The following TSNAX variants were observed in gnomAD, a reference collection of about 807,000 sequenced individuals.
TSNAX encodes the protein translin-associated protein X.
A neutral mutation model predicts 33.0 loss-of-function variants in TSNAX; 12 were observed. The ratio of observed to expected loss-of-function variants is 0.36; its 90% CI spans 0.23 to 0.59. The LOEUF (loss-of-function observed/expected upper bound fraction) is 0.59. TSNAX is among the 20% of genes least tolerant of loss of function. The pLI, the probability that TSNAX is intolerant of heterozygous loss-of-function variation, is 0.74. For synonymous variants in TSNAX, 110 were observed against 117.2 expected (o/e 0.94, Z 0.40); for missense variants, 267 against 341.3 (o/e 0.78, Z 1.72).
rs200480757 is a variant in TSNAX, at chr1:231,561,117, C to T, written c.368-11C>T. The stretch of plus-strand genomic sequence containing the variant: ...GCTTATTCTTAGTAATTTTCTTTGT[C>T]ACGCTTTCAGGACTACAGGAATATG... On this transcript the variant is annotated splice_polypyrimidine_tract_variant and intron_variant, in intron 4 of 5. Transcript: ENST00000366639. 2 of 1,601,582 alleles carry T rather than the reference C, an allele frequency of 1.2e-6. No individual in the cohort carries two copies. Among genetic ancestry groups the T allele is most frequent in the Non-Finnish European group, 1.7e-6 (2 of 1,176,822 alleles).
chr1:231,534,616 G>A (rs1659036806), intron 2 of TSNAX: 1 of 152,090 alleles, frequency 6.6e-6, no homozygotes, highest in African/African-American at 2.4e-5. Context: ...AAAATAATAA[G>A]ACATTATTCC....
At position 231,529,376 on chromosome 1, in the gene TSNAX, G is replaced by C; in HGVS notation, c.121+17G>C. 1 of 1,611,016 alleles carries C rather than the reference G, an allele frequency of 6.2e-7. No individual in the cohort carries two copies. Among genetic ancestry groups the C allele is most frequent in the Non-Finnish European group, 8.5e-7 (1 of 1,177,402 alleles). On this transcript the variant is annotated intron_variant, in intron 2 of 5. Transcript: ENST00000366639. The stretch of plus-strand genomic sequence containing the variant: ...CCTTTAAATGTAAGTTCTCTGCAAT[G>C]TAAGTTGAAGAAGGGGAGAGAACAA...
At chr1:231,534,229 T>C (rs1372357992) in intron 2 of TSNAX, 1 of 152,194 alleles carries the variant, frequency 6.6e-6, no homozygotes, top group Non-Finnish European at 1.5e-5. Context: ...TGATTTGTTC[T>C]TTTTGGGGGT....
chr1:231,547,997 C>T (rs538510821), intron 4 of TSNAX, among the ~76,000 whole-genome samples: 5 of 151,876 alleles, frequency 3.3e-5, no homozygotes, highest in Admixed American at 2.0e-4. Context: ...TCCGCTACCA[C>T]GCCCGGCTAA....
intron 2 of TSNAX, among the ~76,000 whole-genome samples, chr1:231,533,533 A>G (rs965535273): frequency 6.6e-6 from 1 of 152,228 alleles, no homozygotes; most frequent in Non-Finnish European, 1.5e-5. Flanking sequence ...TAATTGCATT[A>G]AAAGGAGTTA....
chr1:231,558,368 T>G (rs1274084915), intron 4 of TSNAX, among the ~76,000 whole-genome samples: 2 of 152,128 alleles, frequency 1.3e-5, no homozygotes, highest in African/African-American at 4.8e-5. Context: ...TACAGTTCTT[T>G]AAGCACCTAG....
chr1:231,554,041 T>G (rs1370785875), intron 4 of TSNAX, among the ~76,000 whole-genome samples: 1 of 152,224 alleles, frequency 6.6e-6, no homozygotes, highest in Non-Finnish European at 1.5e-5. Flanking sequence ...GAAGTAACTT[T>G]TGTTAACACA....
At chr1:231,537,793 A>G (rs1025784223) in intron 3 of TSNAX, among the ~76,000 whole-genome samples, 2 of 152,034 alleles carry the variant, frequency 1.3e-5, no homozygotes, top group African/African-American at 4.8e-5. Context: ...GACTTAAGAA[A>G]GAAAAATTCA....
intron 3 of TSNAX, among the ~76,000 whole-genome samples, chr1:231,539,920 C>G (rs757011519): frequency 4.6e-5 from 7 of 152,172 alleles, no homozygotes; most frequent in Non-Finnish European, 8.8e-5. Context: ...TGTGGAGGCT[C>G]ATGCCTGTAA....
chr1:231,558,153 G>A (rs951330723), intron 4 of TSNAX, among the ~76,000 whole-genome samples: 1 of 152,122 alleles, frequency 6.6e-6, no homozygotes, highest in African/African-American at 2.4e-5. Flanking sequence ...TGTGCTGATG[G>A]ACTCTCTGGG....
chr1:231,550,230 A>G (rs1660210667), intron 4 of TSNAX, among the ~76,000 whole-genome samples: 1 of 152,240 alleles, frequency 6.6e-6, no homozygotes, highest in African/African-American at 2.4e-5. Flanking sequence ...AGTTCAGTCC[A>G]TAACAGATAC....
At position 231,556,942 on chromosome 1, in the gene TSNAX, A is replaced by G. The variant is rs543665539; in HGVS notation, c.368-4186A>G. Among the ~76,000 whole-genome samples the G allele has an allele frequency of 5.3e-5, 8 of 150,722 alleles. No homozygotes were observed. In the South Asian group the frequency reaches 1.7e-3, roughly 31 times the overall value. ...GGTTTTGCCCTGTATTCTGAGCGCCATGGGAAGCTATTTGGGCTTTAAACT... is the reference window on the plus strand; with the variant it reads ...GGTTTTGCCCTGTATTCTGAGCGCCGTGGGAAGCTATTTGGGCTTTAAACT... On this transcript the variant is annotated intron_variant, in intron 4 of 5. Coordinates refer to ENST00000366639, the MANE Select transcript of TSNAX (RefSeq NM_005999.3).
In TSNAX at chr1:231,528,721, T is replaced by A. The variant is rs1309814471; in HGVS notation, c.-90T>A. 1.3e-6 allele frequency: 2 copies of A among 1,531,328 alleles called. No individual in the cohort carries two copies. The highest frequency in any genetic ancestry group is 2.7e-5 in the African/African-American group (2 of 73,006). The allele number at this position is 1,531,328 out of a possible 1,614,324, so 94.9% of individuals were successfully genotyped here. On this transcript the variant is annotated 5_prime_UTR_variant, in exon 1 of 6. Transcript: ENST00000366639. ...CTGCAAAGCGTTTTTCTGCAGGCTGTTTTCCCAGGTTCCCTCGGCCTGTAC... is the reference window on the plus strand; with the variant it reads ...CTGCAAAGCGTTTTTCTGCAGGCTGATTTCCCAGGTTCCCTCGGCCTGTAC...
rs1159019773 is a variant in TSNAX, at chr1:231,537,226, A to G, written c.135A>G (p.Glu45=). The G allele has an allele frequency of 4.3e-6, 7 of 1,611,886 alleles. No individual in the cohort carries two copies. In the South Asian group the frequency reaches 5.5e-5, roughly 13 times the overall value. The change falls in exon 3 of 6, where the codon GAA becomes GAG. Residue 45 remains glutamate, a synonymous_variant. Coordinates refer to ENST00000366639, the MANE Select transcript of TSNAX (RefSeq NM_005999.3). ...VMLAFKSFQQ[E]LDARHDKYER... The stretch of plus-strand genomic sequence containing the variant: ...ATGTGTTTTTAGCATTTCAGCAGGA[A>G]CTTGATGCAAGGCATGACAAATATG...
chr1:231,562,369 G>T (rs1280698871), intron 5 of TSNAX, among the ~76,000 whole-genome samples: 1 of 151,720 alleles, frequency 6.6e-6, no homozygotes, highest in African/African-American at 2.4e-5. Context: ...AGACTAATTT[G>T]GCATGACAGG....
intron 3 of TSNAX, among the ~76,000 whole-genome samples, chr1:231,539,165 T>G (rs1232517292): frequency 6.6e-6 from 1 of 152,194 alleles, no homozygotes; most frequent in East Asian, 1.9e-4. Context: ...AGGCTTGTAT[T>G]ATCGAAAGAA....
Position 231,564,528 on chromosome 1 carries a change from C to A in TSNAX, c.496C>A (p.Pro166Thr), listed in dbSNP as rs1276589577. ...TEDNGKENKT[P>T]SSDAQDKQFG... The stretch of plus-strand genomic sequence containing the variant: ...TTGTTTTGTTTTGTTTTTTTACCAG[C>A]CCTCCTCTGATGCACAGGATAAGCA... The change falls in exon 6 of 6, where the codon CCC (proline) becomes ACC (threonine). Residue 166 changes from proline to threonine, a missense_variant and splice_region_variant. Transcript: ENST00000366639. 5 of 1,607,598 alleles carry A rather than the reference C, an allele frequency of 3.1e-6. No homozygotes were observed. Among genetic ancestry groups the A allele is most frequent in the Non-Finnish European group, 3.4e-6 (4 of 1,175,276 alleles).
At chr1:231,545,992 G>C (rs1659889863) in intron 4 of TSNAX, among the ~76,000 whole-genome samples, 1 of 152,098 alleles carries the variant, frequency 6.6e-6, no homozygotes, top group African/African-American at 2.4e-5. Context: ...TCCTAGCAAA[G>C]GCTTTATTTT....
chr1:231,557,304 A>G (rs953803953), intron 4 of TSNAX, among the ~76,000 whole-genome samples: 5 of 152,122 alleles, frequency 3.3e-5, no homozygotes, highest in African/African-American at 1.2e-4. Context: ...ATGACTAGAG[A>G]GGTGGAAAAG....
Sources: allele counts gnomAD v4.1 joint callset (sites outside exome capture counted in the v4.1 genomes callset), GRCh38; gene constraint gnomAD v4.1.1; transcripts MANE v1.5; gene names NCBI Gene and HGNC (gene_info 2026-07-23, HGNC 2026-07-21).